The following CANX variants were observed in gnomAD, a reference collection of about 807,000 sequenced individuals.
The protein encoded by CANX is calnexin.
In CANX, 14 loss-of-function variants were observed where a neutral mutation model predicts 75.7. The ratio of observed to expected loss-of-function variants is 0.19; its 90% CI spans 0.12 to 0.29. CANX has a LOEUF of 0.29. Ranked by LOEUF, CANX falls within the 10% of genes least tolerant of loss-of-function variation. The pLI is 1.00. For synonymous variants in CANX, 227 were observed against 236.9 expected, an observed-to-expected ratio of 0.96 and a Z score of 0.38; for missense variants, 567 against 713.2, an observed-to-expected ratio of 0.79 and a Z score of 2.34.
At position 179,708,198 on chromosome 5, in the gene CANX, G is replaced by A. The variant is rs1777293226; in HGVS notation, c.305-41G>A. On this transcript the variant is annotated intron_variant, in intron 4 of 14. Transcript: ENST00000247461. Reference sequence around the variant, plus strand: ...TTTTGGCATTTAAAGGACCTTCAGAGGTAGAGTTAAGCAGTGGAACTTTTT... The same window carrying A: ...TTTTGGCATTTAAAGGACCTTCAGAAGTAGAGTTAAGCAGTGGAACTTTTT... 29 of 1,589,076 alleles carry A rather than the reference G, an allele frequency of 1.8e-5. No homozygotes were observed. The East Asian group carries it at 6.5e-4, about 36-fold the overall frequency.
chr5:179,703,797 G>C (rs1581844668), intron 1 of CANX, among the ~76,000 whole-genome samples: 1 of 152,146 alleles, frequency 6.6e-6, no homozygotes, highest in Non-Finnish European at 1.5e-5. Context: ...AAAAGACTTA[G>C]AAATTTTTGC....
chr5:179,698,376 ACT>A (rs569579900), upstream of CANX: 202 of 1,207,724 alleles, frequency 1.7e-4, no homozygotes, highest in African/African-American at 2.6e-3. Context: ...CCGAGCCATG[ACT>A]CTGCAGGAAC....
chr5:179,723,083 CTG>C, intron 11 of CANX, 64 bp downstream of exon 11: 1 of 1,426,202 alleles, frequency 7.0e-7, no homozygotes, highest in Non-Finnish European at 9.8e-7. Flanking sequence ...TTGTGAAAGT[CTG>C]TGTTAAGGTT....
chr5:179,698,945 C>A (rs1776525405), upstream of CANX: 5 of 1,119,300 alleles, frequency 4.5e-6, no homozygotes, highest in Non-Finnish European at 5.5e-6. Flanking sequence ...GGGCTTCGTG[C>A]GGTGGGGCTC....
At chr5:179,679,596 C>T (rs1473570548) in intron 1 of CANX, among the ~76,000 whole-genome samples, 3 of 152,040 alleles carry the variant, frequency 2.0e-5, no homozygotes, top group African/African-American at 4.8e-5. Context: ...TAGGACTTTG[C>T]CAGGTGGGTT....
At position 179,688,424 on chromosome 5, in the gene CANX, C is replaced by CA. The variant is rs1776231790; in HGVS notation, c.-4+9648dup. Reference sequence around the variant, plus strand: ...TGTCGCCCAGGCTGGAGCGCAGTGGCACAATCTCGGTTCACTGCAAGCTCT... The same window carrying CA: ...TGTCGCCCAGGCTGGAGCGCAGTGGCAACAATCTCGGTTCACTGCAAGCTCT... On this transcript the variant is annotated intron_variant, in intron 1 of 14. Coordinates refer to the CANX transcript ENST00000681674. Among the ~76,000 whole-genome samples, 5 of 139,960 alleles carry CA rather than the reference C, an allele frequency of 3.6e-5. No individual in the cohort carries two copies. The South Asian group carries it at 1.2e-3, about 32-fold the overall frequency. 91.8% of individuals were successfully genotyped at this position (139,960 alleles called of 152,430 possible).
At chr5:179,698,572 C>A (rs1486075329), upstream of CANX, 1 of 1,289,242 alleles carries the variant, frequency 7.8e-7, no homozygotes, top group Non-Finnish European at 1.0e-6. Flanking sequence ...GCGCGCGATG[C>A]GTCCCAAGTC....
upstream of CANX, among the ~76,000 whole-genome samples, chr5:179,696,255 AAAGT>A (rs557451708): frequency 1.3e-3 from 197 of 148,260 alleles, no homozygotes; most frequent in African/African-American, 4.7e-3. Flanking sequence ...ATGTTTAAAG[AAAGT>A]GTCATTTCTT....
chr5:179,705,746 A>G lies in CANX; in HGVS notation c.65A>G (p.Asp22Gly), dbSNP rs779124132. ...GGAACTGCTATTGTTGAGGCTCATGATGGACATGATGATGATGTGATTGAT... is the reference window on the plus strand; with the variant it reads ...GGAACTGCTATTGTTGAGGCTCATGGTGGACATGATGATGATGTGATTGAT... ...VLGTAIVEAHDGHDDDVIDIE... is the reference protein window; with the variant it reads ...VLGTAIVEAHGGHDDDVIDIE... The change falls in exon 2 of 15, where the codon GAT becomes GGT. Residue 22 changes from aspartate to glycine, a missense_variant. This residue lies in a region of CANX where 351 missense variants were observed against 433.8 expected (regional missense o/e 0.81). Transcript: ENST00000247461. The G allele has an allele frequency of 2.5e-6, 4 of 1,608,642 alleles. No individual in the cohort carries two copies. The South Asian group carries it at 4.4e-5, about 18-fold the overall frequency.
At chr5:179,705,580 G>T (rs1344349569) in intron 1 of CANX, 99 bp from the exon 2 acceptor site, 2 of 862,660 alleles carry the variant, frequency 2.3e-6, no homozygotes, top group East Asian at 5.0e-5. Context: ...TTAGCTCTGC[G>T]ATTTAAAAGC....
chr5:179,696,676 C>T (rs537116957), upstream of CANX, among the ~76,000 whole-genome samples: 47 of 152,292 alleles, frequency 3.1e-4, no homozygotes, highest in Non-Finnish European at 5.6e-4. Context: ...TTTGGCCAAG[C>T]TTACATGTAT....
At chr5:179,705,604 G>T in intron 1 of CANX, 75 bp from the exon 2 acceptor site, 5 of 1,028,136 alleles carry the variant, frequency 4.9e-6, no homozygotes, top group South Asian at 3.3e-5. Context: ...AATTTTAAAT[G>T]AGAGAGTGGT....
upstream of CANX, among the ~76,000 whole-genome samples, chr5:179,698,201 C>T (rs1776474840): frequency 6.6e-6 from 1 of 152,244 alleles, no homozygotes; most frequent in Non-Finnish European, 1.5e-5. Flanking sequence ...TATCTTAAAT[C>T]TTTCCATGGC....
chr5:179,708,456 T>C (rs568664499), intron 5 of CANX, 76 bp downstream of exon 5: 35 of 1,353,114 alleles, frequency 2.6e-5, no homozygotes, highest in Non-Finnish European at 3.3e-5. Flanking sequence ...TTTTACTCTA[T>C]GTTAAAAAAT....
chr5:179,699,007 T>A lies in CANX; in HGVS notation c.-99T>A. 8.9e-7 allele frequency: 1 copy of A among 1,120,740 alleles called. No individual in the cohort carries two copies. The highest frequency in any genetic ancestry group is 1.1e-6 in the Non-Finnish European group (1 of 910,024). The allele number at this position is 1,120,740 out of a possible 1,614,324, so 69.4% of individuals were successfully genotyped here. On this transcript the variant is annotated 5_prime_UTR_variant, in exon 1 of 15. Transcript: ENST00000247461. ...CTCTTGGTTCTGCGGCACGTGACGG[T>A]CGGGCCGCCTCCGCCTCTCTCTTTA...
chr5:179,708,352 C>T lies in CANX; in HGVS notation c.418C>T (p.Leu140=). The change falls in exon 5 of 15, where the codon CTG becomes TTG. Residue 140 remains leucine, a synonymous_variant. Coordinates refer to ENST00000247461, the MANE Select transcript of CANX (RefSeq NM_001746.4). ...CTCTGCTAAACTGAACAAGCCCTTC[C>T]TGTTTGACACCAAGCCTCTCATTGT... ...AISAKLNKPF[L]FDTKPLIVQY... 1 of 1,613,592 alleles carries T rather than the reference C, an allele frequency of 6.2e-7. No homozygotes were observed. Among genetic ancestry groups the T allele is most frequent in the Non-Finnish European group, 8.5e-7 (1 of 1,179,658 alleles).
chr5:179,722,674 G>A lies in CANX; in HGVS notation c.1183-130G>A, dbSNP rs1015340216. ...AGCATTTGTTATTTATTTTCCTGTT[G>A]CTTATTTCAAGTTTCATGAAGTTGG... On this transcript the variant is annotated intron_variant, in intron 10 of 14. Coordinates refer to ENST00000247461, the MANE Select transcript of CANX (RefSeq NM_001746.4). The A allele has an allele frequency of 4.8e-6, 3 of 626,564 alleles. No individual in the cohort carries two copies. The Admixed American group carries it at 8.7e-5, about 18-fold the overall frequency. 38.8% of individuals were successfully genotyped at this position (626,564 alleles called of 1,614,324 possible).
At chr5:179,680,003 G>C (rs1375853162) in intron 1 of CANX, among the ~76,000 whole-genome samples, 1 of 142,144 alleles carries the variant, frequency 7.0e-6, no homozygotes, top group Non-Finnish European at 1.5e-5. Context: ...AGTAGAAATG[G>C]GGTTTCACCT....
chr5:179,719,854 C>G, intron 9 of CANX, 73 bp downstream of exon 9: 1 of 799,984 alleles, frequency 1.3e-6, no homozygotes, highest in Non-Finnish European at 2.1e-6. Flanking sequence ...TGGAGTCTCA[C>G]TCTGTCTCCC....
Sources: allele counts gnomAD v4.1 joint callset (sites outside exome capture counted in the v4.1 genomes callset), GRCh38; gene constraint gnomAD v4.1.1; regional missense constraint gnomAD v4.1.1; transcripts MANE v1.5; gene names NCBI Gene and HGNC (gene_info 2026-07-23, HGNC 2026-07-21).